Variants in SH3D19 observed in about 807,000 individuals in gnomAD.
The protein encoded by SH3D19 is SH3 domain containing 19, also known as SH3 domain-containing protein 19.
A neutral mutation model predicts 112.1 loss-of-function variants in SH3D19; 58 were observed. That is an observed-to-expected ratio of 0.52 (90% CI 0.42 to 0.64). The LOEUF is 0.64. Among genes scored for constraint, SH3D19 ranks in the 30% least tolerant of loss-of-function variants. The probability of loss-of-function intolerance (pLI) is 0.00; values close to 1 mark genes in which losing one functional copy is unlikely to be tolerated. For synonymous variants in SH3D19, 391 were observed against 448.5 expected, an observed-to-expected ratio of 0.87 and a Z score of 1.62; for missense variants, 1,090 against 1,263.4, an observed-to-expected ratio of 0.86 and a Z score of 2.08.
At chr4:151,136,141 G>A (rs1751804860) in intron 14 of SH3D19, among the ~76,000 whole-genome samples, 1 of 152,056 alleles carries the variant, frequency 6.6e-6, no homozygotes. Context: ...GCAACACTTT[G>A]TTTTATTTTA....
Position 151,174,941 on chromosome 4 carries a change from C to T in SH3D19, c.1263G>A (p.Arg421=). Residue 421 remains arginine (R), a synonymous_variant, in exon 7 of 20, where the codon CGG becomes CGA. Transcript: ENST00000604030. The part of the protein sequence containing the change: ...SGKKVPTPAP[R]PLLLKKSVSS... ...AAACAGATTTCTTCAGCAGCAAAGGCCGCGGGGCAGGAGTTGGCACTTTCT... is the reference window on the plus strand; with the variant it reads ...AAACAGATTTCTTCAGCAGCAAAGGTCGCGGGGCAGGAGTTGGCACTTTCT... The T allele has an allele frequency of 6.2e-7, 1 of 1,613,950 alleles. No individual in the cohort carries two copies. The highest frequency in any genetic ancestry group is 8.5e-7 in the Non-Finnish European group (1 of 1,179,842).
chr4:151,210,592 T>C (rs6815608), intron 2 of SH3D19, among the ~76,000 whole-genome samples: 124,111 of 151,800 alleles, frequency 0.82, 52,503 homozygotes, highest in Non-Finnish European at 0.94. Context: ...TTAGTAGAGA[T>C]GGGGTTTCAG....
At chr4:151,194,698 G>A (rs147395492) in intron 2 of SH3D19, among the ~76,000 whole-genome samples, 4 of 151,798 alleles carry the variant, frequency 2.6e-5, no homozygotes, top group African/African-American at 7.2e-5. Context: ...TCACAGGCAT[G>A]AGCCACCGTG....
chr4:151,289,834 A>G (rs1231760713), intron 1 of SH3D19, among the ~76,000 whole-genome samples: 5 of 152,166 alleles, frequency 3.3e-5, no homozygotes, highest in African/African-American at 1.2e-4. Flanking sequence ...AATCTCAACT[A>G]CTCAGAAGGC....
At chr4:151,209,001 C>T (rs1316273511) in intron 2 of SH3D19, among the ~76,000 whole-genome samples, 3 of 152,098 alleles carry the variant, frequency 2.0e-5, no homozygotes, top group Non-Finnish European at 4.4e-5. Flanking sequence ...ATATACATCT[C>T]CTACTGGTCC....
chr4:151,283,172 G>A (rs757312488), intron 1 of SH3D19: 1 of 1,613,868 alleles, frequency 6.2e-7, no homozygotes, highest in Non-Finnish European at 8.5e-7. Context: ...TTGACCGCCA[G>A]GCTTGTGAAC....
chr4:151,284,641 GTTGTT>G (rs1359280828), intron 1 of SH3D19, among the ~76,000 whole-genome samples: 4 of 152,138 alleles, frequency 2.6e-5, no homozygotes, highest in African/African-American at 9.7e-5. Context: ...ACGTTTTCCT[GTTGTT>G]TTGTTTACTT....
At chr4:151,126,672 A>G (rs1239001023) in intron 19 of SH3D19, among the ~76,000 whole-genome samples, 2 of 146,872 alleles carry the variant, frequency 1.4e-5, no homozygotes, top group Non-Finnish European at 3.0e-5. Flanking sequence ...GGTGGCGGGC[A>G]CCTGTAGTCC....
intron 9 of SH3D19, among the ~76,000 whole-genome samples, chr4:151,158,343 A>G (rs1014971182): frequency 2.6e-5 from 4 of 152,034 alleles, no homozygotes; most frequent in African/African-American, 7.2e-5. Flanking sequence ...CTGTCGCCCC[A>G]GGCTGGAGTG....
intron 1 of SH3D19, among the ~76,000 whole-genome samples, chr4:151,244,734 G>A (rs377247321): frequency 3.3e-5 from 5 of 152,294 alleles, no homozygotes; most frequent in African/African-American, 7.2e-5. Flanking sequence ...CATAAAACAT[G>A]TTTCCAATAT....
At chr4:151,238,367 T>A (rs1185513355) in intron 1 of SH3D19, among the ~76,000 whole-genome samples, 1 of 152,230 alleles carries the variant, frequency 6.6e-6, no homozygotes, top group Non-Finnish European at 1.5e-5. Context: ...ATTAAAATTA[T>A]GATTTCAGGT....
At chr4:151,211,399 T>C (rs1300411325) in intron 2 of SH3D19, among the ~76,000 whole-genome samples, 2 of 152,074 alleles carry the variant, frequency 1.3e-5, no homozygotes, top group Admixed American at 6.6e-5. Context: ...ATACTGAAAT[T>C]AGGGCAATTC....
intron 19 of SH3D19, among the ~76,000 whole-genome samples, chr4:151,125,523 A>T (rs1030679250): frequency 3.3e-5 from 5 of 151,060 alleles, no homozygotes; most frequent in African/African-American, 1.2e-4. Context: ...AAAGAAAGAA[A>T]GGAAGGAAAG....
chr4:151,151,783 G>A (rs1290872144), intron 9 of SH3D19, among the ~76,000 whole-genome samples: 1 of 152,136 alleles, frequency 6.6e-6, no homozygotes, highest in Non-Finnish European at 1.5e-5. Context: ...CTTGAAAAAT[G>A]CATTTATTTC....
chr4:151,175,853 G>A (rs192877862), intron 6 of SH3D19, among the ~76,000 whole-genome samples, 179 bp from the exon 7 acceptor site: 329 of 151,384 alleles, frequency 2.2e-3, no homozygotes, highest in Admixed American at 3.6e-3. Flanking sequence ...TCTGTTTCCT[G>A]TAGGAGTGCT....
intron 1 of SH3D19, among the ~76,000 whole-genome samples, chr4:151,324,947 T>C (rs184803021): frequency 2.6e-4 from 39 of 151,878 alleles, no homozygotes; most frequent in African/African-American, 9.2e-4. Context: ...AGATAAGTCA[T>C]CAACCAGGCC....
intron 1 of SH3D19, among the ~76,000 whole-genome samples, chr4:151,258,211 A>T (rs930194524): frequency 2.6e-5 from 4 of 152,208 alleles, no homozygotes; most frequent in African/African-American, 9.7e-5. Context: ...CAGACCTAAT[A>T]CATATTTGCT....
chr4:151,120,853 G>A lies in SH3D19; in HGVS notation c.*1238C>T, dbSNP rs373741988. 4 of 152,668 alleles carry A rather than the reference G, an allele frequency of 2.6e-5. No homozygotes were observed. The South Asian group carries it at 8.3e-4, about 32-fold the overall frequency. 9.5% of individuals were successfully genotyped at this position (152,668 alleles called of 1,614,324 possible). ...AAGTCATGACCATTGTTGGGAAAGT[G>A]TTTTACATTTCCAATGAAATTCTAT... On this transcript the variant is annotated 3_prime_UTR_variant, in exon 20 of 20. Transcript: ENST00000604030.
intron 2 of SH3D19, among the ~76,000 whole-genome samples, chr4:151,198,452 T>C (rs1763903909): frequency 1.4e-5 from 2 of 145,086 alleles, no homozygotes; most frequent in Non-Finnish European, 3.0e-5. Context: ...TATAAAAATA[T>C]ATATTTATCT....
Sources: gnomAD v4.1 joint callset for allele counts (sites outside exome capture counted in the v4.1 genomes callset) on GRCh38, gnomAD v4.1.1 for gene constraint, MANE v1.5 for transcripts, NCBI Gene and HGNC (gene_info 2026-07-23, HGNC 2026-07-21) for gene names.